Variants in ATP2B2 observed in about 807,000 individuals in gnomAD.
ATP2B2 encodes plasma membrane calcium-transporting ATPase 2.
In ATP2B2, 15 loss-of-function variants were observed where a neutral mutation model predicts 120.0. The observed-to-expected ratio is 0.12, with a 90% CI of 0.08 to 0.19. The LOEUF is 0.19. ATP2B2 is among the 10% of genes least tolerant of loss of function. The probability of loss-of-function intolerance (pLI) is 1.00; values close to 1 mark genes in which losing one functional copy is unlikely to be tolerated. For missense variants in ATP2B2, 1,045 were observed against 1,719.8 expected, an observed-to-expected ratio of 0.61 and a Z score of 6.94; for synonymous variants, 694 against 700.3, an observed-to-expected ratio of 0.99 and a Z score of 0.14.
intron 1 of ATP2B2, among the ~76,000 whole-genome samples, chr3:10,678,963 AT>A (rs1353497186): frequency 2.0e-5 from 3 of 152,150 alleles, no homozygotes; most frequent in African/African-American, 7.2e-5. Flanking sequence ...CCAAATGTAG[AT>A]TGTTGTAGGT....
At chr3:10,485,564 A>T (rs2065612112) in intron 1 of ATP2B2, among the ~76,000 whole-genome samples, 1 of 152,214 alleles carries the variant, frequency 6.6e-6, no homozygotes, top group Non-Finnish European at 1.5e-5. Flanking sequence ...AGCTTTCTAA[A>T]GCAGGCCCCT....
chr3:10,535,772 G>A (rs1048935919), intron 2 of ATP2B2, among the ~76,000 whole-genome samples: 2 of 152,126 alleles, frequency 1.3e-5, no homozygotes, highest in Admixed American at 6.5e-5. Context: ...ATCAATCAGT[G>A]AAAGGACATC....
At chr3:10,501,138 G>C (rs2066369810) in intron 1 of ATP2B2, among the ~76,000 whole-genome samples, 1 of 152,154 alleles carries the variant, frequency 6.6e-6, no homozygotes, top group South Asian at 2.1e-4. Flanking sequence ...CTGGTCACTT[G>C]CCCTCCTGGT....
intron 22 of ATP2B2, among the ~76,000 whole-genome samples, chr3:10,337,599 C>A (rs1304483022): frequency 6.6e-6 from 1 of 152,168 alleles, no homozygotes; most frequent in African/African-American, 2.4e-5. Flanking sequence ...GCTGGCTACG[C>A]CCTGCACCTG....
At chr3:10,354,547 G>A (rs945168448) in intron 14 of ATP2B2, among the ~76,000 whole-genome samples, 1 of 152,134 alleles carries the variant, frequency 6.6e-6, no homozygotes, top group Non-Finnish European at 1.5e-5. Flanking sequence ...AAACACCCCC[G>A]GATAACCCGG....
At chr3:10,696,601 C>A (rs1054044595) in intron 1 of ATP2B2, among the ~76,000 whole-genome samples, 4 of 152,230 alleles carry the variant, frequency 2.6e-5, no homozygotes, top group African/African-American at 9.6e-5. Flanking sequence ...CCATCCCCTG[C>A]CCTGCCTTCC....
Position 10,340,726 on chromosome 3 carries a change from C to G in ATP2B2, c.2918-22G>C. The G allele has an allele frequency of 6.2e-7, 1 of 1,613,406 alleles. No individual in the cohort carries two copies. Among genetic ancestry groups the G allele is most frequent in the Non-Finnish European group, 8.5e-7 (1 of 1,179,522 alleles). ...TCGCCTGCCAAGTGAGAGAGTGGGG[C>G]TGGGCTGAAGGCAGTGGTGGGGGAA... is the stretch of plus-strand genomic sequence containing the variant. On this transcript the variant is annotated intron_variant, in intron 19 of 22. Coordinates refer to ENST00000360273, the MANE Select transcript of ATP2B2 (RefSeq NM_001001331.4). The surrounding 1 kb of genome is among the most constrained non-coding windows in gnomAD (Gnocchi z 5.0).
chr3:10,336,372 C>A, intron 22 of ATP2B2: 1 of 1,448,378 alleles, frequency 6.9e-7, no homozygotes, highest in South Asian at 1.3e-5. Context: ...GACAGGGCAA[C>A]GTCACAAGAA....
rs573333158 is a variant in ATP2B2 at position 10,466,721 on chromosome 3, C to G, written c.-319-16859G>C. ...TCTGCCATTCAGGTTTACCCTGAAC[C>G]CAATGACAGAACAACAAAATGGAAT... On this transcript the variant is annotated intron_variant, in intron 1 of 22. Transcript: ENST00000360273. Among the ~76,000 whole-genome samples the G allele has an allele frequency of 9.8e-5, 15 of 152,298 alleles. No individual in the cohort carries two copies. The East Asian group carries it at 2.3e-3, about 24-fold the overall frequency.
intron 2 of ATP2B2, among the ~76,000 whole-genome samples, chr3:10,545,563 AC>A (rs982001960): frequency 1.3e-5 from 2 of 151,888 alleles, no homozygotes; most frequent in African/African-American, 4.8e-5. Flanking sequence ...AAAAATAAAA[AC>A]AAAACAAAAT....
chr3:10,535,620 G>A (rs1156821096), intron 2 of ATP2B2, among the ~76,000 whole-genome samples: 1 of 152,046 alleles, frequency 6.6e-6, no homozygotes, highest in Non-Finnish European at 1.5e-5. Flanking sequence ...GAGTCATGTG[G>A]TATATAACCT....
chr3:10,592,616 C>G (rs1029331190), intron 2 of ATP2B2, among the ~76,000 whole-genome samples: 1 of 152,230 alleles, frequency 6.6e-6, no homozygotes, highest in Non-Finnish European at 1.5e-5. Context: ...GGATCTTTGT[C>G]TTGTAATCAT....
Position 10,388,376 on chromosome 3 carries a change from G to A in ATP2B2, c.808C>T (p.Arg270Trp), listed in dbSNP as rs775610841. Residue 270 changes from arginine (R) to tryptophan (W), a missense_variant, in exon 6 of 23, where the codon CGG becomes TGG. By Grantham distance (101) the Arg-to-Trp change is moderately radical. This residue lies in a region of ATP2B2 where 145 missense variants were observed against 202.0 expected (regional missense o/e 0.72). Transcript: ENST00000360273. ...ACACCCACAGCAGTCACCAACATCCGTCCTGAGCCCTCCATCACGTGGGTT... is the reference window on the plus strand; with the variant it reads ...ACACCCACAGCAGTCACCAACATCCATCCTGAGCCCTCCATCACGTGGGTT... ...SGTHVMEGSG[R>W]MLVTAVGVNS... is the part of the protein sequence containing the mutation. 3 of 1,613,938 alleles carry A rather than the reference G, an allele frequency of 1.9e-6. No homozygotes were observed. The highest frequency in any genetic ancestry group is 1.1e-5 in the South Asian group (1 of 91,076).
intron 2 of ATP2B2, among the ~76,000 whole-genome samples, chr3:10,547,094 A>C (rs6442181): frequency 0.52 from 78,753 of 151,788 alleles, 20,834 homozygotes; most frequent in East Asian, 0.79. Flanking sequence ...CCGAGACTTT[A>C]CTGGCTGGGG....
chr3:10,585,194 CTG>C (rs1301290282), intron 2 of ATP2B2, among the ~76,000 whole-genome samples: 1 of 152,090 alleles, frequency 6.6e-6, no homozygotes, highest in Non-Finnish European at 1.5e-5. Context: ...ATGGTTTGCA[CTG>C]TAATTAAGAT....
chr3:10,481,586 C>T (rs650300), intron 1 of ATP2B2, among the ~76,000 whole-genome samples: 71,412 of 151,954 alleles, frequency 0.47, 18,092 homozygotes, highest in Non-Finnish European at 0.57. Context: ...CACAGTCTCG[C>T]TCCGTTACCT....
chr3:10,539,634 T>A (rs1272104703), intron 2 of ATP2B2, among the ~76,000 whole-genome samples: 1 of 152,166 alleles, frequency 6.6e-6, no homozygotes, highest in Non-Finnish European at 1.5e-5. Flanking sequence ...CCCTATTTAA[T>A]AAATAGTGCT....
intron 12 of ATP2B2, among the ~76,000 whole-genome samples, chr3:10,364,818 GC>G (rs1487470011): frequency 1.3e-5 from 2 of 152,162 alleles, no homozygotes; most frequent in African/African-American, 4.8e-5. Flanking sequence ...TTTCTAAGAG[GC>G]CATTAGAAAA....
rs1029649739 is a variant in ATP2B2 at position 10,559,141 on chromosome 3, CTG to C, written c.-414-25010_-414-25009del. On this transcript the variant is annotated intron_variant, in intron 2 of 21. Transcript: ENST00000646379. ...GGGGTAGTAAGATGAACGATATTAA[CTG>C]CTGATGGGTGTGATGCTTTCATTTA... 2.9e-3 allele frequency among the ~76,000 whole-genome samples: 442 copies of C among 152,332 alleles called. 1 individual carries two copies. Among genetic ancestry groups the C allele is most frequent in the African/African-American group, 0.01 (418 of 41,562 alleles).
Sources: gnomAD v4.1 joint callset for allele counts (sites outside exome capture counted in the v4.1 genomes callset) on GRCh38, gnomAD v4.1.1 for gene constraint, gnomAD v4.1.1 regional missense constraint, Gnocchi (gnomAD v3.1) non-coding constraint, MANE v1.5 for transcripts, NCBI Gene and HGNC (gene_info 2026-07-23, HGNC 2026-07-21) for gene names.